Variants in PPP2R3A observed in about 807,000 individuals in gnomAD.
The protein encoded by PPP2R3A is protein phosphatase 2 regulatory subunit B''alpha.
A neutral mutation model predicts 106.9 loss-of-function variants in PPP2R3A; 80 were observed. That is an observed-to-expected ratio of 0.75 (90% CI 0.62 to 0.90). The LOEUF (loss-of-function observed/expected upper bound fraction) is 0.90. Ranked by LOEUF, PPP2R3A falls within the 40% of genes least tolerant of loss-of-function variation. PPP2R3A has a pLI of 0.00. For missense variants in PPP2R3A, 1,386 were observed against 1,350.4 expected, an observed-to-expected ratio of 1.03 and a Z score of -0.41; for synonymous variants, 483 against 468.3, an observed-to-expected ratio of 1.03 and a Z score of -0.41.
At chr3:136,073,061 G>A (rs541659481) in intron 6 of PPP2R3A, among the ~76,000 whole-genome samples, 43 of 152,170 alleles carry the variant, frequency 2.8e-4, no homozygotes, top group African/African-American at 8.9e-4. Context: ...TCCACCTCTC[G>A]GGTTCACGCC....
chr3:136,069,524 G>A (rs1409032562), intron 5 of PPP2R3A, among the ~76,000 whole-genome samples: 1 of 152,176 alleles, frequency 6.6e-6, no homozygotes, highest in African/African-American at 2.4e-5. Context: ...GTTGTCATAA[G>A]CTGAGATCGT....
rs1559948986 is a variant in PPP2R3A, at chr3:136,146,957, AAG to A, written c.*1792_*1793del. On this transcript the variant is annotated 3_prime_UTR_variant, in exon 14 of 14. Coordinates refer to ENST00000264977, the MANE Select transcript of PPP2R3A (RefSeq NM_002718.5). The stretch of plus-strand genomic sequence containing the variant: ...ATCTAAACTAATAAGATTCACCAAA[AAG>A]TAAAAATTCAATTTTACAATATACA... The A allele has an allele frequency of 6.6e-6, 1 of 152,158 alleles. No individual in the cohort carries two copies. The highest frequency in any genetic ancestry group is 2.4e-5 in the African/African-American group (1 of 41,432). 9.4% of individuals were successfully genotyped at this position (152,158 alleles called of 1,614,324 possible).
chr3:136,056,664 T>G (rs1176110662), intron 5 of PPP2R3A, among the ~76,000 whole-genome samples: 1 of 151,962 alleles, frequency 6.6e-6, no homozygotes, highest in African/African-American at 2.4e-5. Context: ...GTGACACTCG[T>G]CTTAGCATTG....
intron 13 of PPP2R3A, among the ~76,000 whole-genome samples, chr3:136,121,517 C>T (rs1937997570): frequency 6.6e-6 from 1 of 152,084 alleles, no homozygotes; most frequent in African/African-American, 2.4e-5. Flanking sequence ...ATCATGTGTA[C>T]ACCACAACCC....
Position 135,965,864 on chromosome 3 carries a change from A to G in PPP2R3A, c.-441+15A>G, listed in dbSNP as rs1007345610. 2.0e-5 allele frequency: 3 copies of G among 149,430 alleles called. No individual in the cohort carries two copies. Among genetic ancestry groups the G allele is most frequent in the African/African-American group, 7.4e-5 (3 of 40,442 alleles). 9.3% of individuals were successfully genotyped at this position (149,430 alleles called of 1,614,324 possible). A position where few individuals can be genotyped will look rare whatever the true frequency, so the allele number is the denominator to read the frequency against. ...CGGGCAACGAGGTAGGCAAAGGAAC[A>G]CTGGCCGCACGGCCTGGAGCCTTCA... On this transcript the variant is annotated intron_variant, in intron 1 of 13. Transcript: ENST00000264977.
At chr3:136,126,262 C>T (rs1400698693) in intron 13 of PPP2R3A, among the ~76,000 whole-genome samples, 2 of 152,276 alleles carry the variant, frequency 1.3e-5, no homozygotes, top group Non-Finnish European at 2.9e-5. Flanking sequence ...GGGACACTCA[C>T]ACCTAAATAC....
chr3:136,106,102 T>A, intron 12 of PPP2R3A, 114 bp from the exon 13 acceptor site: 1 of 867,764 alleles, frequency 1.2e-6, no homozygotes, highest in Non-Finnish European at 1.8e-6. Context: ...CCTGTTGAAA[T>A]GAAACATTTT....
intron 13 of PPP2R3A, among the ~76,000 whole-genome samples, chr3:136,139,306 A>C (rs975802307): frequency 1.3e-5 from 2 of 152,150 alleles, no homozygotes; most frequent in Admixed American, 1.3e-4. Flanking sequence ...GAAAGGGAAG[A>C]CTTACTTAGG....
In PPP2R3A at chr3:136,102,079, CTA is replaced by C; in HGVS notation, c.3002_3003del (p.Tyr1001Ter). The part of the protein sequence containing the change: ...VLSMYELEYF[Y>X]EEQCERMEAM... ...TCTCCATGTATGAGCTGGAGTACTT[CTA>C]TGAGGAGCAGTGTGAACGGATGGAA... is the stretch of plus-strand genomic sequence containing the variant. On this transcript the variant is annotated frameshift_variant, in exon 11 of 14. Coordinates refer to ENST00000264977, the MANE Select transcript of PPP2R3A (RefSeq NM_002718.5). LOFTEE classifies it high-confidence loss of function. The C allele has an allele frequency of 6.2e-7, 1 of 1,614,012 alleles. No homozygotes were observed. Among genetic ancestry groups the C allele is most frequent in the Non-Finnish European group, 8.5e-7 (1 of 1,179,996 alleles).
intron 13 of PPP2R3A, among the ~76,000 whole-genome samples, chr3:136,113,256 A>T (rs111519409): frequency 6.6e-6 from 1 of 152,182 alleles, no homozygotes; most frequent in Non-Finnish European, 1.5e-5. Context: ...CATGGTGCTG[A>T]TACAAAAACA....
At chr3:136,020,729 A>G (rs1934436453) in intron 2 of PPP2R3A, among the ~76,000 whole-genome samples, 1 of 152,140 alleles carries the variant, frequency 6.6e-6, no homozygotes, top group African/African-American at 2.4e-5. Context: ...ACACAACCCA[A>G]CTACTAAGGT....
In PPP2R3A at chr3:135,975,636, A is replaced by G. The variant is rs73863188; in HGVS notation, c.-441+9787A>G. 3.1e-3 allele frequency among the ~76,000 whole-genome samples: 478 copies of G among 152,298 alleles called. 2 individuals carry two copies. Among genetic ancestry groups the G allele is most frequent in the African/African-American group, 0.011 (465 of 41,554 alleles). ...TGGAGGGCTTTTCCCCTGATGCTGA[A>G]CACTTGGGTTGTTTCCAATTTTTCC... On this transcript the variant is annotated intron_variant, in intron 1 of 13. Coordinates refer to ENST00000264977, the MANE Select transcript of PPP2R3A (RefSeq NM_002718.5).
At chr3:135,972,636 T>C (rs969538643) in intron 1 of PPP2R3A, among the ~76,000 whole-genome samples, 31 of 152,242 alleles carry the variant, frequency 2.0e-4, no homozygotes, top group African/African-American at 7.2e-4. Flanking sequence ...TTTTGTTTTC[T>C]GGTTATAGCC....
intron 3 of PPP2R3A, among the ~76,000 whole-genome samples, chr3:136,027,391 T>C (rs1934707659): frequency 6.6e-6 from 1 of 152,114 alleles, no homozygotes; most frequent in African/African-American, 2.4e-5. Flanking sequence ...AAATACTTGT[T>C]TGTTAGAAAA....
At chr3:136,097,588 T>A (rs993080045) in intron 10 of PPP2R3A, among the ~76,000 whole-genome samples, 1 of 152,262 alleles carries the variant, frequency 6.6e-6, no homozygotes, top group Admixed American at 6.5e-5. Context: ...GTCTTAGTTC[T>A]TAATTGAAAA....
chr3:136,026,892 A>C lies in PPP2R3A; in HGVS notation c.2056A>C (p.Ser686Arg). 6.2e-7 allele frequency: 1 copy of C among 1,613,036 alleles called. No homozygotes were observed. The highest frequency in any genetic ancestry group is 8.5e-7 in the Non-Finnish European group (1 of 1,179,056). Residue 686 changes from serine (S) to arginine (R), a missense_variant, in exon 3 of 14, where the codon AGT becomes CGT. Transcript: ENST00000264977. ...ACTCCCACCTCCAGCCACCTCTCCAAGTAGTCCCCGACCTCTCTCCCCGGT... is the reference window on the plus strand; with the variant it reads ...ACTCCCACCTCCAGCCACCTCTCCACGTAGTCCCCGACCTCTCTCCCCGGT... ...TPLPPPATSP[S>R]SPRPLSPVPH...
chr3:136,136,307 A>G (rs1938622104), intron 13 of PPP2R3A, among the ~76,000 whole-genome samples: 1 of 152,092 alleles, frequency 6.6e-6, no homozygotes, highest in African/African-American at 2.4e-5. Context: ...TGTGTAATCA[A>G]TAAACAATGG....
At chr3:135,968,729 A>C (rs1402430689) in intron 1 of PPP2R3A, among the ~76,000 whole-genome samples, 6 of 152,142 alleles carry the variant, frequency 3.9e-5, no homozygotes, top group African/African-American at 1.4e-4. Flanking sequence ...AGGAATAACC[A>C]CTGATACTAG....
At chr3:136,056,086 A>G (rs1048595956) in intron 5 of PPP2R3A, among the ~76,000 whole-genome samples, 1 of 152,226 alleles carries the variant, frequency 6.6e-6, no homozygotes, top group African/African-American at 2.4e-5. Flanking sequence ...CCAAAAATCC[A>G]TAAACCCAGT....
Sources: allele counts gnomAD v4.1 joint callset (sites outside exome capture counted in the v4.1 genomes callset), GRCh38; gene constraint gnomAD v4.1.1; transcripts MANE v1.5; gene names NCBI Gene and HGNC (gene_info 2026-07-23, HGNC 2026-07-21).